MELK: variants seen among roughly 807,000 people sequenced by gnomAD.
The protein encoded by MELK is pEg3 kinase.
A neutral mutation model predicts 85.0 loss-of-function variants in MELK; 81 were observed. That is an observed-to-expected ratio of 0.95 (90% confidence interval 0.80 to 1.15). MELK has a LOEUF of 1.15. Ranked by LOEUF, MELK falls within the 50% of genes most tolerant of loss-of-function variation. The pLI, the probability that MELK is intolerant of heterozygous loss-of-function variation, is 0.00. For missense variants in MELK, 754 were observed against 777.5 expected, an observed-to-expected ratio of 0.97 and a Z score of 0.36; for synonymous variants, 252 against 265.0, an observed-to-expected ratio of 0.95 and a Z score of 0.48.
intron 16 of MELK, among the ~76,000 whole-genome samples, chr9:36,674,592 G>C (rs1833177128): frequency 6.6e-6 from 1 of 152,122 alleles, no homozygotes; most frequent in Non-Finnish European, 1.5e-5. Context: ...TGGTAGGAGA[G>C]GAAGATGAAA....
At chr9:36,589,258 CCTGCCTCAGCCTGCTGAGTAG>C (rs1311176187) in intron 3 of MELK, among the ~76,000 whole-genome samples, 1 of 152,102 alleles carries the variant, frequency 6.6e-6, no homozygotes, top group Non-Finnish European at 1.5e-5. Flanking sequence ...ACGCCATTCT[CCTGCCTCAGCCTGCTGAGTAG>C]CTGGGACTAC....
chr9:36,671,943 G>T (rs906473526), intron 16 of MELK, among the ~76,000 whole-genome samples: 16 of 152,154 alleles, frequency 1.1e-4, no homozygotes, highest in African/African-American at 3.9e-4. Flanking sequence ...GAAACACTGG[G>T]CTCAGTGCTA....
At chr9:36,672,382 A>T (rs1025929750) in intron 16 of MELK, among the ~76,000 whole-genome samples, 1 of 152,200 alleles carries the variant, frequency 6.6e-6, no homozygotes, top group Non-Finnish European at 1.5e-5. Flanking sequence ...AATTAAGGAA[A>T]CTAGTTCAAC....
At chr9:36,632,930 C>T (rs1828785699) in intron 9 of MELK, among the ~76,000 whole-genome samples, 172 bp from the exon 10 acceptor site, 1 of 152,172 alleles carries the variant, frequency 6.6e-6, no homozygotes, top group African/African-American at 2.4e-5. Context: ...TTTCTTGCCT[C>T]TGTTGCCTTT....
chr9:36,620,414 C>G (rs1433633689), intron 8 of MELK, among the ~76,000 whole-genome samples: 1 of 152,148 alleles, frequency 6.6e-6, no homozygotes. Context: ...GTCCTTGTTT[C>G]CTTCATCAGC....
rs150101083 is a variant in MELK at position 36,675,669 on chromosome 9, T to A, written c.1778+732T>A. On this transcript the variant is annotated intron_variant, in intron 17 of 17. Coordinates refer to ENST00000298048, the MANE Select transcript of MELK (RefSeq NM_014791.4). ...CTTTAGGAAGTTTTTTCACCTTACC[T>A]CTCTCCCGCTGTTGAAGGAACTGCC... 4.7e-3 allele frequency among the ~76,000 whole-genome samples: 718 copies of A among 152,248 alleles called. 6 individuals are homozygous for A. The highest frequency in any genetic ancestry group is 8.3e-3 in the Non-Finnish European group (567 of 68,004).
intron 1 of MELK, among the ~76,000 whole-genome samples, chr9:36,576,055 CT>C: frequency 6.6e-6 from 1 of 152,210 alleles, no homozygotes; most frequent in East Asian, 1.9e-4. Flanking sequence ...ATTTGCCCCA[CT>C]GACAAATGCC....
At chr9:36,598,186 GTT>G (rs76258907) in intron 6 of MELK, among the ~76,000 whole-genome samples, 24 of 135,736 alleles carry the variant, frequency 1.8e-4, no homozygotes, top group South Asian at 2.4e-4. Flanking sequence ...TAGAAGGCAG[GTT>G]TTTTTTTTTT....
In MELK at chr9:36,631,828, C is replaced by T. The variant is rs1480090428; in HGVS notation, c.736-1274C>T. ...CTTCATTCCTTATAATTACTTTCAG[C>T]AAACTGTATTTTTTGTAGAGATGGG... On this transcript the variant is annotated intron_variant, in intron 9 of 17. Transcript: ENST00000298048. 2.0e-5 allele frequency among the ~76,000 whole-genome samples: 3 copies of T among 151,382 alleles called. No individual in the cohort carries two copies. In the East Asian group the frequency reaches 5.8e-4, roughly 29 times the overall value.
intron 5 of MELK, among the ~76,000 whole-genome samples, chr9:36,596,570 TTGTTTTTTTTGTTTTTTTTG>T (rs1824283096): frequency 1.0e-5 from 1 of 97,366 alleles, no homozygotes; most frequent in African/African-American, 8.2e-5. Context: ...TTTGTTTTTT[TTGTTTTTTTTGTTTTTTTTG>T]TTTTTTTTTT....
intron 12 of MELK, among the ~76,000 whole-genome samples, chr9:36,652,644 C>T (rs958044662): frequency 1.3e-5 from 2 of 148,670 alleles, no homozygotes; most frequent in African/African-American, 5.0e-5. Context: ...GCAGGAGAAT[C>T]GCTTGAACCC....
intron 6 of MELK, among the ~76,000 whole-genome samples, chr9:36,597,548 C>A (rs1824427260): frequency 6.6e-6 from 1 of 152,184 alleles, no homozygotes; most frequent in Non-Finnish European, 1.5e-5. Flanking sequence ...TGAGAATTTG[C>A]AGTGCAGAGG....
In MELK at chr9:36,677,196, G is replaced by A; in HGVS notation, c.1815G>A (p.Gly605=). Residue 605 remains glycine, a synonymous_variant, in exon 18 of 18, where the codon GGG becomes GGA. Coordinates refer to ENST00000298048, the MANE Select transcript of MELK (RefSeq NM_014791.4). ...TLKCQTQSDF[G]KVTMQFELEV... is the part of the protein sequence containing the mutation. ...AGTGTCAAACACAGTCAGATTTTGGGAAAGTGACAATGCAATTTGAATTAG... is the reference window on the plus strand; with the variant it reads ...AGTGTCAAACACAGTCAGATTTTGGAAAAGTGACAATGCAATTTGAATTAG... 2 of 1,613,868 alleles carry A rather than the reference G, an allele frequency of 1.2e-6. No homozygotes were observed. Among genetic ancestry groups the A allele is most frequent in the Non-Finnish European group, 8.5e-7 (1 of 1,179,878 alleles).
Position 36,651,815 on chromosome 9 carries a change from C to T in MELK, c.991C>T (p.Arg331Cys), listed in dbSNP as rs140963190. 4 of 1,613,926 alleles carry T rather than the reference C, an allele frequency of 2.5e-6. No homozygotes were observed. The highest frequency in any genetic ancestry group is 3.4e-6 in the Non-Finnish European group (4 of 1,179,934). The change falls in exon 12 of 18, where the codon CGT (arginine) becomes TGT (cysteine). Residue 331 changes from arginine (R) to cysteine (C), a missense_variant. Coordinates refer to ENST00000298048, the MANE Select transcript of MELK (RefSeq NM_014791.4). ...LAKKARGKPV[R>C]LRLSSFSCGQ... ...CAAGAAGGCTCGGGGAAAACCAGTTCGTTTAAGGCTTTCTTCTTTCTCCTG... is the reference window on the plus strand; with the variant it reads ...CAAGAAGGCTCGGGGAAAACCAGTTTGTTTAAGGCTTTCTTCTTTCTCCTG...
intron 8 of MELK, among the ~76,000 whole-genome samples, chr9:36,615,260 C>T (rs1383644112): frequency 1.5e-5 from 2 of 130,374 alleles, no homozygotes; most frequent in East Asian, 2.2e-4. Context: ...ACCCCCCCAC[C>T]TCCCTCCCAG....
chr9:36,677,126 C>A, intron 17 of MELK, 34 bp from the exon 18 acceptor site: 1 of 1,587,770 alleles, frequency 6.3e-7, no homozygotes, highest in South Asian at 1.1e-5. Context: ...ATATGGTTCT[C>A]CTACTAACTA....
intron 8 of MELK, among the ~76,000 whole-genome samples, chr9:36,618,405 CA>C (rs367884644): frequency 0.026 from 1,795 of 68,776 alleles, 30 homozygotes; most frequent in African/African-American, 0.077. Flanking sequence ...AGAGGCTCCT[CA>C]AAAAAAAAAA....
chr9:36,642,514 C>T (rs373677772), intron 10 of MELK, among the ~76,000 whole-genome samples: 3 of 150,588 alleles, frequency 2.0e-5, no homozygotes, highest in South Asian at 2.1e-4. Context: ...CTGCAGCCTC[C>T]GCCTCCTGGG....
At chr9:36,625,613 A>G (rs1564177248) in intron 8 of MELK, among the ~76,000 whole-genome samples, 1 of 152,142 alleles carries the variant, frequency 6.6e-6, no homozygotes, top group Non-Finnish European at 1.5e-5. Flanking sequence ...TCAAGGCTTC[A>G]TTGCTGTAGT....
Sources: allele counts gnomAD v4.1 joint callset (sites outside exome capture counted in the v4.1 genomes callset), GRCh38; gene constraint gnomAD v4.1.1; transcripts MANE v1.5; gene names NCBI Gene and HGNC (gene_info 2026-07-23, HGNC 2026-07-21).